The following UNC80 variants were observed in gnomAD, a reference collection of about 807,000 sequenced individuals.
The protein encoded by UNC80 is protein unc-80 homolog.
A neutral mutation model predicts 384.6 loss-of-function variants in UNC80; 164 were observed. That is an observed-to-expected ratio of 0.43 (90% CI 0.38 to 0.49). The LOEUF is 0.49. UNC80 is among the 20% of genes least tolerant of loss of function. The probability of loss-of-function intolerance (pLI) is 0.00; values close to 1 mark genes in which losing one functional copy is unlikely to be tolerated. For missense variants in UNC80, 3,330 were observed against 4,143.0 expected, an observed-to-expected ratio of 0.80 and a Z score of 5.39; for synonymous variants, 1,486 against 1,527.8, an observed-to-expected ratio of 0.97 and a Z score of 0.64.
At chr2:209,856,776 AT>A (rs1321879666) in intron 22 of UNC80, among the ~76,000 whole-genome samples, 2 of 150,742 alleles carry the variant, frequency 1.3e-5, no homozygotes, top group Non-Finnish European at 3.0e-5. Flanking sequence ...TTATTTATTT[AT>A]TTATTTATTT....
At position 209,944,518 on chromosome 2, in the gene UNC80, T is replaced by G. The variant is rs1445915669; in HGVS notation, c.7051-533T>G. Among the ~76,000 whole-genome samples the G allele has an allele frequency of 2.0e-5, 3 of 152,292 alleles. No individual in the cohort carries two copies. In the East Asian group the frequency reaches 5.8e-4, roughly 29 times the overall value. ...ATTTTGTTTTTGGTTTTCTATAACCTCAGTGTGTAGCCTGGTGCTTGGCAC... is the reference window on the plus strand; with the variant it reads ...ATTTTGTTTTTGGTTTTCTATAACCGCAGTGTGTAGCCTGGTGCTTGGCAC... On this transcript the variant is annotated intron_variant, in intron 45 of 64. Coordinates refer to ENST00000673920, the MANE Select transcript of UNC80 (RefSeq NM_001371986.1).
intron 47 of UNC80, among the ~76,000 whole-genome samples, chr2:209,949,545 T>C (rs576047045): frequency 1.3e-5 from 2 of 151,696 alleles, no homozygotes; most frequent in Middle Eastern, 3.4e-3. Context: ...TGGCATAATC[T>C]TGGCTCACTG....
intron 23 of UNC80, among the ~76,000 whole-genome samples, chr2:209,874,127 T>C (rs17748674): frequency 0.086 from 13,124 of 152,246 alleles, 773 homozygotes; most frequent in South Asian, 0.26. Flanking sequence ...ATATCTATTT[T>C]TGTAAATCGT....
chr2:209,863,930 T>G (rs2083521179), intron 22 of UNC80, among the ~76,000 whole-genome samples: 1 of 152,024 alleles, frequency 6.6e-6, no homozygotes, highest in Non-Finnish European at 1.5e-5. Flanking sequence ...ATTTCGGGTC[T>G]TCAGCATTTT....
intron 6 of UNC80, among the ~76,000 whole-genome samples, chr2:209,791,929 A>C (rs897937951): frequency 1.6e-4 from 24 of 149,326 alleles, no homozygotes; most frequent in African/African-American, 5.6e-4. Context: ...CTCTAGGCCC[A>C]TGTGGCTATT....
chr2:209,906,342 T>G (rs141186636), intron 29 of UNC80, among the ~76,000 whole-genome samples: 185 of 152,346 alleles, frequency 1.2e-3, no homozygotes, highest in African/African-American at 4.3e-3. Flanking sequence ...ATATATCTGA[T>G]GTACCTCTTA....
intron 60 of UNC80, 22 bp downstream of exon 60, chr2:209,982,339 G>C (rs1312136289): frequency 3.5e-5 from 54 of 1,521,892 alleles, no homozygotes; most frequent in Non-Finnish European, 4.2e-5. Context: ...TGGTTATACT[G>C]TACTCTGCAT....
rs2089759192 is a variant in UNC80, at chr2:209,918,620, A to G, written c.5300A>G (p.Gln1767Arg). 6.4e-7 allele frequency: 1 copy of G among 1,551,792 alleles called. No homozygotes were observed. Among genetic ancestry groups the G allele is most frequent in the Admixed American group, 2.0e-5 (1 of 50,978 alleles). Residue 1767 changes from glutamine to arginine, a missense_variant, in exon 33 of 65, where the codon CAG becomes CGG. Transcript: ENST00000673920. Reference sequence around the variant, plus strand: ...ATGTTTGACCCACCGTGGGTTCCTCAGTGCAGCGGGAGTGTCCAGGACCCC... The same window carrying G: ...ATGTTTGACCCACCGTGGGTTCCTCGGTGCAGCGGGAGTGTCCAGGACCCC... ...VPMFDPPWVP[Q>R]CSGSVQDPIN...
intron 61 of UNC80, among the ~76,000 whole-genome samples, chr2:209,989,348 CCAG>C (rs2125029803): frequency 6.6e-6 from 1 of 151,644 alleles, no homozygotes; most frequent in East Asian, 1.9e-4. Flanking sequence ...AATTAGAAAA[CCAG>C]TTTTCTCTAT....
intron 29 of UNC80, among the ~76,000 whole-genome samples, chr2:209,905,649 C>T (rs1223807097): frequency 6.6e-6 from 1 of 152,184 alleles, no homozygotes; most frequent in African/African-American, 2.4e-5. Context: ...TCACTTGTTA[C>T]AGCAGCAACA....
At chr2:209,836,029 T>C (rs567121439) in intron 18 of UNC80, among the ~76,000 whole-genome samples, 4 of 152,360 alleles carry the variant, frequency 2.6e-5, no homozygotes, top group Non-Finnish European at 5.9e-5. Context: ...TTTTTGCATA[T>C]GGCTATAGCC....
chr2:209,887,885 G>A (rs941284826), intron 25 of UNC80, among the ~76,000 whole-genome samples: 1 of 152,116 alleles, frequency 6.6e-6, no homozygotes, highest in African/African-American at 2.4e-5. Context: ...TGAGGAAAAG[G>A]GGAAAAATAC....
chr2:209,995,312 G>A lies in UNC80; in HGVS notation c.9709-17G>A. On this transcript the variant is annotated splice_polypyrimidine_tract_variant and intron_variant, in intron 64 of 64. Coordinates refer to ENST00000673920, the MANE Select transcript of UNC80 (RefSeq NM_001371986.1). The stretch of plus-strand genomic sequence containing the variant: ...CCATCCTATCTTTCCATAATGTTAT[G>A]ATCCTTTTGATCACAGAGTGAGAAC... The A allele has an allele frequency of 6.4e-7, 1 of 1,551,698 alleles. No homozygotes were observed. The highest frequency in any genetic ancestry group is 8.7e-7 in the Non-Finnish European group (1 of 1,146,894).
chr2:209,958,882 G>T (rs529804987), intron 49 of UNC80, among the ~76,000 whole-genome samples: 3 of 152,052 alleles, frequency 2.0e-5, no homozygotes, highest in Middle Eastern at 3.2e-3. Flanking sequence ...TATAATAGTC[G>T]TCTTTACCCA....
At chr2:209,859,729 C>A (rs368629992) in intron 22 of UNC80, among the ~76,000 whole-genome samples, 3 of 152,118 alleles carry the variant, frequency 2.0e-5, no homozygotes, top group East Asian at 3.8e-4. Context: ...CCACTCTGAC[C>A]AGCATGAGAT....
intron 52 of UNC80, 82 bp downstream of exon 52, chr2:209,967,719 T>C: frequency 7.3e-7 from 1 of 1,366,538 alleles, no homozygotes; most frequent in Non-Finnish European, 1.0e-6. Flanking sequence ...TGGATCATTC[T>C]GGAGTTGAAT....
At chr2:209,900,528 C>T (rs1236303975) in intron 28 of UNC80, among the ~76,000 whole-genome samples, 2 of 152,192 alleles carry the variant, frequency 1.3e-5, no homozygotes, top group Non-Finnish European at 2.9e-5. Context: ...TCTCCCTCTT[C>T]TAGGGCCTCC....
intron 3 of UNC80, among the ~76,000 whole-genome samples, chr2:209,777,000 A>G (rs964517472): frequency 6.6e-5 from 10 of 152,186 alleles, no homozygotes; most frequent in African/African-American, 1.9e-4. Context: ...ATTTTTAACC[A>G]CTACGCTGCC....
At chr2:209,973,419 A>G (rs1381521870) in intron 56 of UNC80, 149 bp downstream of exon 56, 2 of 762,682 alleles carry the variant, frequency 2.6e-6, no homozygotes, top group Admixed American at 3.1e-5. Context: ...GAGACCTCAA[A>G]CCAGAATGTA....
Sources: allele counts gnomAD v4.1 joint callset (sites outside exome capture counted in the v4.1 genomes callset), GRCh38; gene constraint gnomAD v4.1.1; transcripts MANE v1.5; gene names NCBI Gene and HGNC (gene_info 2026-07-23, HGNC 2026-07-21).